The following CYP4X1 variants were observed in gnomAD, a reference collection of about 807,000 sequenced individuals.
The protein encoded by CYP4X1 is cytochrome P450 family 4 subfamily X member 1.
CYP4X1 carries 44 observed loss-of-function variants against 57.9 expected under a neutral mutation model. That is an observed-to-expected ratio of 0.76 (90% confidence interval 0.60 to 0.98). CYP4X1 has a LOEUF of 0.98. Among genes scored for constraint, CYP4X1 ranks in the 50% least tolerant of loss-of-function variants. CYP4X1 has a pLI of 0.00. For missense variants in CYP4X1, 532 were observed against 623.9 expected (o/e 0.85, Z 1.57); for synonymous variants, 227 against 228.6 (o/e 0.99, Z 0.06).
chr1:47,004,069 G>T, the CYP4X1 span, among the ~76,000 whole-genome samples: 1 of 152,170 alleles, frequency 6.6e-6, no homozygotes, highest in Non-Finnish European at 1.5e-5. Flanking sequence ...TTTACATAGG[G>T]TGTACACCTA....
chr1:46,980,683 G>A, the CYP4X1 span, among the ~76,000 whole-genome samples: 1 of 152,250 alleles, frequency 6.6e-6, no homozygotes, highest in South Asian at 2.1e-4. Flanking sequence ...ACAATACTTA[G>A]CAAAAAGAAC....
the CYP4X1 span, among the ~76,000 whole-genome samples, chr1:46,979,756 G>T: frequency 2.0e-5 from 3 of 152,100 alleles, no homozygotes; most frequent in Non-Finnish European, 4.4e-5. Flanking sequence ...GAATCCAGCA[G>T]CACATCAAAA....
the CYP4X1 span, among the ~76,000 whole-genome samples, chr1:46,976,059 C>A: frequency 9.2e-5 from 14 of 151,984 alleles, no homozygotes; most frequent in Non-Finnish European, 1.6e-4. Context: ...TTCTGCATTT[C>A]CAGCTGAGGT....
At chr1:47,046,633 A>T in intron 9 of CYP4X1, 33 bp downstream of exon 9, 1 of 1,613,936 alleles carries the variant, frequency 6.2e-7, no homozygotes, top group Non-Finnish European at 8.5e-7. Flanking sequence ...CAGTTCTTAG[A>T]GGCTATGGGA....
chr1:47,036,805 T>C (rs1023220296), intron 6 of CYP4X1, among the ~76,000 whole-genome samples: 3 of 152,180 alleles, frequency 2.0e-5, no homozygotes, highest in Non-Finnish European at 4.4e-5. Context: ...ATCTCATACA[T>C]TTGTTGTTAC....
the CYP4X1 span, among the ~76,000 whole-genome samples, chr1:46,972,626 A>C: frequency 6.6e-6 from 1 of 152,092 alleles, no homozygotes; most frequent in African/African-American, 2.4e-5. Context: ...AGTGTTTTAT[A>C]ATTCTTCTTG....
chr1:47,002,136 C>G, the CYP4X1 span, among the ~76,000 whole-genome samples: 1 of 152,224 alleles, frequency 6.6e-6, no homozygotes, highest in Non-Finnish European at 1.5e-5. Flanking sequence ...GATAAGGGAG[C>G]AATGTGTCTG....
the CYP4X1 span, among the ~76,000 whole-genome samples, chr1:46,974,043 A>G: frequency 2.6e-5 from 4 of 151,864 alleles, no homozygotes; most frequent in Non-Finnish European, 5.9e-5. Context: ...TAACTTTTTC[A>G]TGTGAGTGAT....
At chr1:47,052,416 T>G (rs939049418), downstream of CYP4X1, among the ~76,000 whole-genome samples, 1 of 152,170 alleles carries the variant, frequency 6.6e-6, no homozygotes, top group African/African-American at 2.4e-5. Context: ...AAATTGTATA[T>G]CATATAAATG....
At chr1:47,007,655 T>C in the CYP4X1 span, among the ~76,000 whole-genome samples, 1 of 151,986 alleles carries the variant, frequency 6.6e-6, no homozygotes, top group African/African-American at 2.4e-5. Context: ...TTCAAACCCA[T>C]GGCAAAGAAG....
the CYP4X1 span, among the ~76,000 whole-genome samples, chr1:47,004,135 C>T: frequency 6.6e-6 from 1 of 152,202 alleles, no homozygotes; most frequent in African/African-American, 2.4e-5. Context: ...TACCAAGCAA[C>T]CAATGGAAAC....
At chr1:47,024,762 A>G (rs973289356) in intron 1 of CYP4X1, among the ~76,000 whole-genome samples, 2 of 152,156 alleles carry the variant, frequency 1.3e-5, no homozygotes, top group African/African-American at 4.8e-5. Flanking sequence ...AGGAAAGTAT[A>G]CATCTCCGCC....
At chr1:47,026,792 A>G (rs1644071009) in intron 1 of CYP4X1, among the ~76,000 whole-genome samples, 1 of 152,016 alleles carries the variant, frequency 6.6e-6, no homozygotes, top group Admixed American at 6.6e-5. Flanking sequence ...ATCTCGGCTC[A>G]CTGCAACCTC....
At chr1:46,982,407 G>A in the CYP4X1 span, among the ~76,000 whole-genome samples, 1 of 152,152 alleles carries the variant, frequency 6.6e-6, no homozygotes, top group Admixed American at 6.5e-5. Context: ...CATTGCTGGG[G>A]AGTTAGCATG....
the CYP4X1 span, chr1:46,967,756 C>G: frequency 7.7e-7 from 1 of 1,293,116 alleles, no homozygotes; most frequent in Non-Finnish European, 1.0e-6. Flanking sequence ...CAGCAAAATT[C>G]ATGGTATGCC....
chr1:47,017,849 A>G, the CYP4X1 span, among the ~76,000 whole-genome samples: 1 of 152,160 alleles, frequency 6.6e-6, no homozygotes, highest in African/African-American at 2.4e-5. Flanking sequence ...ATGTCTCACT[A>G]AAATGTATAA....
At chr1:47,002,246 C>T in the CYP4X1 span, among the ~76,000 whole-genome samples, 26 of 152,224 alleles carry the variant, frequency 1.7e-4, no homozygotes, top group Non-Finnish European at 2.5e-4. Flanking sequence ...CATCACACTG[C>T]ACAGGACTTG....
chr1:47,044,430 T>C (rs867420639), intron 8 of CYP4X1, among the ~76,000 whole-genome samples: 1 of 152,220 alleles, frequency 6.6e-6, no homozygotes, highest in African/African-American at 2.4e-5. Context: ...GTTTTGGAGA[T>C]GTGTCCCCTT....
chr1:46,964,724 T>C, the CYP4X1 span, among the ~76,000 whole-genome samples: 2 of 152,154 alleles, frequency 1.3e-5, no homozygotes, highest in Admixed American at 1.3e-4. Context: ...TGTTCTCAGA[T>C]CTCCAGCTGC....
Sources: allele counts gnomAD v4.1 joint callset (sites outside exome capture counted in the v4.1 genomes callset), GRCh38; gene constraint gnomAD v4.1.1; transcripts MANE v1.5; gene names NCBI Gene and HGNC (gene_info 2026-07-23, HGNC 2026-07-21).